Variants in AHCYL2 observed in about 807,000 individuals in gnomAD.
AHCYL2 encodes the protein adenosylhomocysteinase like 2, also known as S-adenosylhomocysteine hydrolase-like protein 2.
AHCYL2 carries 28 observed loss-of-function variants against 81.4 expected under a neutral mutation model. The observed-to-expected ratio is 0.34, with a 90% CI of 0.25 to 0.47. The LOEUF is 0.47. Ranked by LOEUF, AHCYL2 falls within the 20% of genes least tolerant of loss-of-function variation. AHCYL2 has a pLI of 1.00. For missense variants in AHCYL2, 551 were observed against 785.1 expected (o/e 0.70, Z 3.56); for synonymous variants, 272 against 290.2 (o/e 0.94, Z 0.64).
At chr7:129,229,648 G>A (rs530329474) in intron 1 of AHCYL2, among the ~76,000 whole-genome samples, 1 of 152,184 alleles carries the variant, frequency 6.6e-6, no homozygotes, top group Non-Finnish European at 1.5e-5. Context: ...GAACTCTAAG[G>A]CGTGTCTGTC....
At chr7:129,304,403 T>G (rs1156321929) in intron 1 of AHCYL2, among the ~76,000 whole-genome samples, 2 of 152,206 alleles carry the variant, frequency 1.3e-5, no homozygotes, top group African/African-American at 4.8e-5. Context: ...GTCCATTTGG[T>G]TTGTAGTGCA....
intron 1 of AHCYL2, among the ~76,000 whole-genome samples, chr7:129,350,715 T>TTTTTC (rs1793530249): frequency 8.6e-5 from 2 of 23,302 alleles, no homozygotes; most frequent in East Asian, 1.7e-3. Flanking sequence ...TCTTTCTTTC[T>TTTTTC]TTTTTTTTTT....
At chr7:129,237,874 C>T (rs1280161938) in intron 1 of AHCYL2, among the ~76,000 whole-genome samples, 2 of 152,066 alleles carry the variant, frequency 1.3e-5, no homozygotes, top group African/African-American at 2.4e-5. Context: ...CCCACCACTG[C>T]ACCCAGCTAA....
intron 1 of AHCYL2, among the ~76,000 whole-genome samples, chr7:129,363,108 A>G (rs571996186): frequency 1.3e-5 from 2 of 152,192 alleles, no homozygotes; most frequent in Non-Finnish European, 1.5e-5. Context: ...CTTCTAAGCT[A>G]TTCAGATACT....
intron 1 of AHCYL2, among the ~76,000 whole-genome samples, chr7:129,340,214 G>T (rs1397213500): frequency 1.4e-4 from 20 of 148,084 alleles, no homozygotes; most frequent in Admixed American, 1.3e-3. Context: ...GAGCCACCGC[G>T]CCTGGCCCCT....
At chr7:129,337,880 A>G (rs191330307) in intron 1 of AHCYL2, among the ~76,000 whole-genome samples, 110 of 152,142 alleles carry the variant, frequency 7.2e-4, no homozygotes, top group African/African-American at 2.5e-3. Context: ...AGTAGCTGGA[A>G]TTACAGGCAT....
rs989398852 is a variant in AHCYL2, at chr7:129,275,274, C to T, written c.363+49835C>T. Among the ~76,000 whole-genome samples, 18 of 151,952 alleles carry T rather than the reference C, an allele frequency of 1.2e-4. No homozygotes were observed. In the East Asian group the frequency reaches 2.3e-3, roughly 20 times the overall value. ...GGTGTGCACCTGTAATGGTTGCAGG[C>T]GCCTGTAATCCCAGCCACTCAGGAG... is the stretch of plus-strand genomic sequence containing the variant. On this transcript the variant is annotated intron_variant, in intron 1 of 16. Transcript: ENST00000325006.
intron 1 of AHCYL2, among the ~76,000 whole-genome samples, chr7:129,229,298 C>T (rs1166267572): frequency 1.3e-5 from 2 of 152,160 alleles, no homozygotes; most frequent in Non-Finnish European, 2.9e-5. Flanking sequence ...AACTCCCGAC[C>T]TCAGGTGACC....
intron 1 of AHCYL2, among the ~76,000 whole-genome samples, chr7:129,260,287 A>C (rs956615803): frequency 3.3e-5 from 5 of 152,152 alleles, no homozygotes; most frequent in Non-Finnish European, 7.4e-5. Context: ...CAACAGGTGG[A>C]TTGATCTTGG....
intron 1 of AHCYL2, among the ~76,000 whole-genome samples, chr7:129,337,517 A>G (rs923896785): frequency 6.6e-6 from 1 of 152,032 alleles, no homozygotes; most frequent in Non-Finnish European, 1.5e-5. Context: ...CTCCTAGTTC[A>G]GGCTCCTGAG....
chr7:129,238,811 C>T (rs910691441), intron 1 of AHCYL2, among the ~76,000 whole-genome samples: 13 of 151,996 alleles, frequency 8.6e-5, no homozygotes, highest in Non-Finnish European at 1.8e-4. Flanking sequence ...GTTAGTCAGG[C>T]GTGGTGGGGC....
chr7:129,262,439 G>A (rs1274532335), intron 1 of AHCYL2, among the ~76,000 whole-genome samples: 1 of 152,170 alleles, frequency 6.6e-6, no homozygotes, highest in East Asian at 1.9e-4. Flanking sequence ...TGGAGTTTTT[G>A]AGCCTCTGGC....
intron 1 of AHCYL2, among the ~76,000 whole-genome samples, chr7:129,276,736 CA>C (rs374792572): frequency 5.6e-5 from 7 of 125,008 alleles, no homozygotes; most frequent in African/African-American, 9.0e-5. Context: ...GCAACTGTCT[CA>C]AAAAAAAAAA....
chr7:129,232,336 A>G (rs542898655), intron 1 of AHCYL2, among the ~76,000 whole-genome samples: 3 of 152,324 alleles, frequency 2.0e-5, no homozygotes, highest in Admixed American at 6.5e-5. Context: ...ATAGGCTCAA[A>G]GAGAGTAATT....
chr7:129,259,504 T>C (rs1795544989), intron 1 of AHCYL2, among the ~76,000 whole-genome samples: 1 of 152,190 alleles, frequency 6.6e-6, no homozygotes, highest in African/African-American at 2.4e-5. Context: ...AAAGTGAAAC[T>C]GAAGTAATTA....
At chr7:129,304,340 A>G (rs1797351611) in intron 1 of AHCYL2, among the ~76,000 whole-genome samples, 1 of 152,212 alleles carries the variant, frequency 6.6e-6, no homozygotes, top group South Asian at 2.1e-4. Flanking sequence ...TACTGAGGAG[A>G]AGAATGTGTA....
intron 1 of AHCYL2, among the ~76,000 whole-genome samples, chr7:129,367,724 C>T (rs1412752599): frequency 1.3e-5 from 2 of 152,212 alleles, no homozygotes; most frequent in Non-Finnish European, 2.9e-5. Context: ...TCTGTAGCTG[C>T]GGGCCCTGAG....
chr7:129,383,580 A>G (rs545023088), intron 2 of AHCYL2, among the ~76,000 whole-genome samples: 30 of 152,270 alleles, frequency 2.0e-4, no homozygotes, highest in African/African-American at 7.0e-4. Context: ...GTCATGTCAT[A>G]TCATTTCACT....
intron 1 of AHCYL2, among the ~76,000 whole-genome samples, chr7:129,375,126 ACT>A (rs1428588347): frequency 6.6e-6 from 1 of 152,188 alleles, no homozygotes. Context: ...AAACTGGGTC[ACT>A]CTGTGCCAAA....
Sources: allele counts gnomAD v4.1 joint callset (sites outside exome capture counted in the v4.1 genomes callset), GRCh38; gene constraint gnomAD v4.1.1; transcripts MANE v1.5; gene names NCBI Gene and HGNC (gene_info 2026-07-23, HGNC 2026-07-21).